The following ANTXR1 variants were observed in gnomAD, a reference collection of about 807,000 sequenced individuals.
ANTXR1 encodes the protein anthrax toxin receptor 1.
A neutral mutation model predicts 78.1 loss-of-function variants in ANTXR1; 19 were observed. The observed-to-expected ratio is 0.24, with a 90% confidence interval of 0.17 to 0.36. The LOEUF (loss-of-function observed/expected upper bound fraction) is 0.36. Ranked by LOEUF, ANTXR1 falls within the 10% of genes least tolerant of loss-of-function variation. The pLI, the probability that ANTXR1 is intolerant of heterozygous loss-of-function variation, is 1.00. For missense variants in ANTXR1, 518 were observed against 718.6 expected, an observed-to-expected ratio of 0.72 and a Z score of 3.19; for synonymous variants, 273 against 260.5, an observed-to-expected ratio of 1.05 and a Z score of -0.46.
intron 12 of ANTXR1, among the ~76,000 whole-genome samples, chr2:69,135,766 A>G (rs2104405733): frequency 6.6e-6 from 1 of 152,278 alleles, no homozygotes; most frequent in Non-Finnish European, 1.5e-5. Context: ...AGAGAAATTG[A>G]TAAATCCACC....
chr2:69,029,953 C>T (rs934798950), intron 1 of ANTXR1, among the ~76,000 whole-genome samples: 19 of 151,934 alleles, frequency 1.3e-4, no homozygotes, highest in African/African-American at 4.1e-4. Flanking sequence ...AATTTTTATG[C>T]GAGGTAGCAA....
At chr2:69,083,245 T>C (rs72897346) in intron 8 of ANTXR1, among the ~76,000 whole-genome samples, 1 of 152,200 alleles carries the variant, frequency 6.6e-6, no homozygotes, top group African/African-American at 2.4e-5. Context: ...CATGTCACAT[T>C]CCCAAAGTCC....
intron 13 of ANTXR1, among the ~76,000 whole-genome samples, chr2:69,168,206 A>C (rs887796348): frequency 3.9e-5 from 6 of 152,216 alleles, no homozygotes; most frequent in African/African-American, 1.4e-4. Context: ...AGATGTAATC[A>C]AGGTAAGAGA....
Position 69,075,649 on chromosome 2 carries a change from T to C in ANTXR1, c.552T>C (p.Asn184=), listed in dbSNP as rs140035765. ...ACTGTGTTGGTGTGAAAGATTTCAA[T>C]GAGACACAGGTATGGTAATGGATTT... is the stretch of plus-strand genomic sequence containing the variant. ...IVYCVGVKDF[N]ETQLARIADS... The change falls in exon 7 of 18, where the codon AAT becomes AAC. Residue 184 remains asparagine (N), a synonymous_variant. Coordinates refer to ENST00000303714, the MANE Select transcript of ANTXR1 (RefSeq NM_032208.3). The C allele has an allele frequency of 3.8e-5, 61 of 1,614,048 alleles. No homozygotes were observed. In the African/African-American group the frequency reaches 6.3e-4, roughly 17 times the overall value.
At chr2:69,091,366 G>A (rs531953446) in intron 9 of ANTXR1, among the ~76,000 whole-genome samples, 25 of 149,426 alleles carry the variant, frequency 1.7e-4, no homozygotes, top group East Asian at 1.4e-3. Context: ...TCTTGAACCC[G>A]GGAGGCAGAG....
chr2:69,119,767 C>T (rs1672283518), intron 10 of ANTXR1, among the ~76,000 whole-genome samples: 1 of 152,258 alleles, frequency 6.6e-6, no homozygotes, highest in Non-Finnish European at 1.5e-5. Flanking sequence ...GCAGACTCTG[C>T]AGCCAGGCTG....
chr2:69,051,640 T>C (rs535383998), intron 3 of ANTXR1, among the ~76,000 whole-genome samples: 2 of 152,164 alleles, frequency 1.3e-5, no homozygotes, highest in African/African-American at 4.8e-5. Flanking sequence ...TATGTACACT[T>C]TGATGATTAA....
intron 10 of ANTXR1, among the ~76,000 whole-genome samples, chr2:69,113,649 G>A (rs1157538873): frequency 3.3e-5 from 5 of 152,230 alleles, no homozygotes; most frequent in Non-Finnish European, 2.9e-5. Flanking sequence ...GCCATAACCC[G>A]TGGCCATGAG....
chr2:69,156,504 T>C (rs1390554297), intron 13 of ANTXR1, among the ~76,000 whole-genome samples: 5 of 152,198 alleles, frequency 3.3e-5, no homozygotes, highest in Non-Finnish European at 7.3e-5. Flanking sequence ...CAAAGACATA[T>C]ACCTGAGACT....
At chr2:69,050,988 C>T (rs144549874) in intron 3 of ANTXR1, among the ~76,000 whole-genome samples, 2 of 151,770 alleles carry the variant, frequency 1.3e-5, no homozygotes, top group African/African-American at 4.8e-5. Flanking sequence ...TCTGGTTTCT[C>T]GAAATAAAAG....
intron 9 of ANTXR1, among the ~76,000 whole-genome samples, chr2:69,095,896 GTTTCACATTTTTAACTGGAACTC>G (rs1671382796): frequency 6.6e-6 from 1 of 152,258 alleles, no homozygotes; most frequent in Middle Eastern, 3.4e-3. Context: ...TCCTGGAACT[GTTTCACATTTTTAACTGGAACTC>G]TTACTGGGGA....
intron 10 of ANTXR1, among the ~76,000 whole-genome samples, chr2:69,113,096 G>A (rs896521148): frequency 6.6e-6 from 1 of 152,154 alleles, no homozygotes. Flanking sequence ...CGTGAAAATC[G>A]TGAGCTCCAC....
At chr2:69,239,052 T>G (rs1675838517) in intron 17 of ANTXR1, among the ~76,000 whole-genome samples, 1 of 152,132 alleles carries the variant, frequency 6.6e-6, no homozygotes, top group East Asian at 1.9e-4. Flanking sequence ...ATTCAGAAGT[T>G]GCAGGCAAGC....
At chr2:69,069,853 G>A (rs941179097) in intron 3 of ANTXR1, among the ~76,000 whole-genome samples, 1 of 152,142 alleles carries the variant, frequency 6.6e-6, no homozygotes, top group Non-Finnish European at 1.5e-5. Context: ...CCAGCAGGAG[G>A]AAGGCAAAAT....
At chr2:69,136,645 A>C (rs761845483) in intron 12 of ANTXR1, among the ~76,000 whole-genome samples, 2 of 152,208 alleles carry the variant, frequency 1.3e-5, no homozygotes, top group African/African-American at 2.4e-5. Flanking sequence ...TTACAGGGAA[A>C]TTTGTCATCT....
chr2:69,190,491 A>G lies in ANTXR1; in HGVS notation c.1354-2844A>G, dbSNP rs904603285. Reference sequence around the variant, plus strand: ...AAATGATCATTTTAATGACTTTACTATGATCATAGGTAACATTTAATGAAT... The same window carrying G: ...AAATGATCATTTTAATGACTTTACTGTGATCATAGGTAACATTTAATGAAT... On this transcript the variant is annotated intron_variant, in intron 16 of 17. Coordinates refer to ENST00000303714, the MANE Select transcript of ANTXR1 (RefSeq NM_032208.3). 7.2e-5 allele frequency among the ~76,000 whole-genome samples: 11 copies of G among 152,308 alleles called. No homozygotes were observed. The East Asian group carries it at 2.1e-3, about 29-fold the overall frequency.
At chr2:69,071,969 C>T (rs1249163706) in intron 5 of ANTXR1, among the ~76,000 whole-genome samples, 182 bp downstream of exon 5, 1 of 152,152 alleles carries the variant, frequency 6.6e-6, no homozygotes, top group African/African-American at 2.4e-5. Flanking sequence ...GGGTCAAATT[C>T]CACTGTCCTG....
chr2:69,073,049 C>T lies in ANTXR1; in HGVS notation c.440C>T (p.Ala147Val). The T allele has an allele frequency of 6.2e-7, 1 of 1,614,062 alleles. No individual in the cohort carries two copies. The highest frequency in any genetic ancestry group is 8.5e-7 in the Non-Finnish European group (1 of 1,179,908). Residue 147 changes from alanine to valine, a missense_variant, in exon 6 of 18, where the codon GCT becomes GTT. Around this residue, in one of 5 missense-constraint regions of ANTXR1, gnomAD observed 264 missense variants for 391.8 expected, o/e 0.67. Transcript: ENST00000303714. ...QGYRTASVII[A>V]LTDGELHEDL... ...TACAGGACAGCCAGCGTCATCATTG[C>T]TTTGACTGATGGAGAACTCCATGAA...
intron 1 of ANTXR1, among the ~76,000 whole-genome samples, chr2:69,035,544 A>G (rs1671653782): frequency 6.6e-6 from 1 of 152,176 alleles, no homozygotes; most frequent in Non-Finnish European, 1.5e-5. Context: ...CAGAGAAGAC[A>G]AACCCAGTTT....
Sources: allele counts gnomAD v4.1 joint callset (sites outside exome capture counted in the v4.1 genomes callset), GRCh38; gene constraint gnomAD v4.1.1; regional missense constraint gnomAD v4.1.1; transcripts MANE v1.5; gene names NCBI Gene and HGNC (gene_info 2026-07-23, HGNC 2026-07-21).